Variants in SBF2 observed in about 807,000 individuals in gnomAD.
The protein encoded by SBF2 is myotubularin-related protein 13.
A neutral mutation model predicts 225.2 loss-of-function variants in SBF2; 112 were observed. The observed-to-expected ratio is 0.50, with a 90% confidence interval of 0.43 to 0.58. The LOEUF (loss-of-function observed/expected upper bound fraction) is 0.58. Among genes scored for constraint, SBF2 ranks in the 20% least tolerant of loss-of-function variants. The probability of loss-of-function intolerance (pLI) is 0.00; values close to 1 mark genes in which losing one functional copy is unlikely to be tolerated. For synonymous variants in SBF2, 763 were observed against 773.3 expected, an observed-to-expected ratio of 0.99 and a Z score of 0.22; for missense variants, 1,996 against 2,206.2, an observed-to-expected ratio of 0.90 and a Z score of 1.91.
chr11:10,003,479 T>C (rs1014444602), intron 6 of SBF2, among the ~76,000 whole-genome samples: 4 of 152,006 alleles, frequency 2.6e-5, no homozygotes, highest in African/African-American at 9.7e-5. Context: ...GACATTCTCC[T>C]GCCTCAGCCT....
At chr11:9,977,345 G>A (rs893915677) in intron 13 of SBF2, among the ~76,000 whole-genome samples, 11 of 152,132 alleles carry the variant, frequency 7.2e-5, no homozygotes, top group African/African-American at 2.7e-4. Flanking sequence ...AAATTAGCTA[G>A]GCATGGTGAT....
chr11:10,253,145 A>G (rs1368843945), intron 1 of SBF2, among the ~76,000 whole-genome samples: 1 of 149,376 alleles, frequency 6.7e-6, no homozygotes, highest in Non-Finnish European at 1.5e-5. Flanking sequence ...AAAAAAAATC[A>G]GCTTTAGAAG....
chr11:9,784,584 T>A, intron 37 of SBF2, 146 bp from the exon 38 acceptor site: 1 of 693,370 alleles, frequency 1.4e-6, no homozygotes, highest in South Asian at 1.6e-5. Context: ...CTGGATTTTT[T>A]CTGCTAGACC....
chr11:10,262,200 C>T (rs571988135), intron 1 of SBF2, among the ~76,000 whole-genome samples: 5 of 151,638 alleles, frequency 3.3e-5, no homozygotes, highest in Admixed American at 6.6e-5. Context: ...TGAAATACAT[C>T]CAAAAAAAGA....
chr11:10,256,067 A>G (rs529260048), intron 1 of SBF2, among the ~76,000 whole-genome samples: 1 of 152,342 alleles, frequency 6.6e-6, no homozygotes, highest in South Asian at 2.1e-4. Context: ...ATGCAGACTC[A>G]TTTGAGCTAC....
In SBF2 at chr11:10,303,954, T is replaced by C. The variant is rs961100294; in HGVS notation, n.386+538A>G. On this transcript the variant is annotated intron_variant and non_coding_transcript_variant, in intron 1 of 5. Transcript: ENST00000685217. The surrounding 1 kb of genome is among the most constrained non-coding windows in gnomAD (Gnocchi z 5.2). ...GGGGGCTAGGACTCTCCTTTGCCCC[T>C]TGAGAAGTTGGTGACCCCAGCCTAG... 2.6e-5 allele frequency among the ~76,000 whole-genome samples: 4 copies of C among 152,186 alleles called. No individual in the cohort carries two copies. The highest frequency in any genetic ancestry group is 9.7e-5 in the African/African-American group (4 of 41,428).
At chr11:10,025,539 C>T (rs918077966) in intron 6 of SBF2, among the ~76,000 whole-genome samples, 21 of 152,140 alleles carry the variant, frequency 1.4e-4, no homozygotes, top group Admixed American at 1.2e-3. Flanking sequence ...TTCATTTTCT[C>T]CTGGATCATG....
chr11:10,292,678 C>CAAAAA (rs5789633), intron 1 of SBF2, among the ~76,000 whole-genome samples: 1 of 85,828 alleles, frequency 1.2e-5, no homozygotes. Flanking sequence ...AACTCCGTCT[C>CAAAAA]AAAAAAAAAA....
intron 17 of SBF2, among the ~76,000 whole-genome samples, chr11:9,877,545 C>T (rs1273215724): frequency 6.6e-6 from 1 of 152,148 alleles, no homozygotes; most frequent in Non-Finnish European, 1.5e-5. Flanking sequence ...ATCCCTACCC[C>T]AATCCCCAAC....
rs554105515 is a variant in SBF2, at chr11:9,905,122, T to C, written c.1861-9111A>G. Among the ~76,000 whole-genome samples, 151 of 152,354 alleles carry C rather than the reference T, an allele frequency of 9.9e-4. 1 individual carries two copies. The highest frequency in any genetic ancestry group is 3.7e-3 in the South Asian group (18 of 4,830). ...CACAATGCAATTAAGTTAGAAATCATTAATGCATGTAAAATACTTAAAATT... is the reference window on the plus strand; with the variant it reads ...CACAATGCAATTAAGTTAGAAATCACTAATGCATGTAAAATACTTAAAATT... On this transcript the variant is annotated intron_variant, in intron 16 of 39. Transcript: ENST00000256190.
At chr11:10,196,452 T>G (rs1957357129) in intron 1 of SBF2, among the ~76,000 whole-genome samples, 1 of 152,062 alleles carries the variant, frequency 6.6e-6, no homozygotes, top group Non-Finnish European at 1.5e-5. Context: ...CAATCATCGC[T>G]CACCGCAGCC....
intron 3 of SBF2, among the ~76,000 whole-genome samples, chr11:10,040,418 A>G (rs1590817027): frequency 6.6e-6 from 1 of 152,054 alleles, no homozygotes; most frequent in Non-Finnish European, 1.5e-5. Context: ...ACATTGTATT[A>G]AAAATGGGGG....
At chr11:10,029,979 A>G (rs929866944) in intron 4 of SBF2, 104 bp from the exon 5 acceptor site, 7 of 821,310 alleles carry the variant, frequency 8.5e-6, no homozygotes, top group Non-Finnish European at 1.5e-5. Flanking sequence ...CCAGTAAAGT[A>G]TATTATACAG....
At position 10,010,846 on chromosome 11, in the gene SBF2, G is replaced by A. The variant is rs922315901; in HGVS notation, c.620-8157C>T. 5.9e-5 allele frequency among the ~76,000 whole-genome samples: 9 copies of A among 152,224 alleles called. No individual in the cohort carries two copies. The East Asian group carries it at 7.7e-4, about 13-fold the overall frequency. ...CTTTGGGCAGTATGGCCATTTTCAC[G>A]ATATTGATTCTTCCTATCCATTAGC... On this transcript the variant is annotated intron_variant, in intron 6 of 39. Transcript: ENST00000256190.
At chr11:10,188,456 G>A (rs1332759526) in intron 2 of SBF2, among the ~76,000 whole-genome samples, 1 of 152,114 alleles carries the variant, frequency 6.6e-6, no homozygotes, top group East Asian at 1.9e-4. Flanking sequence ...TAAAGCATCA[G>A]GTAGAGCAGA....
chr11:10,227,094 C>T (rs1234818119), intron 1 of SBF2, among the ~76,000 whole-genome samples: 1 of 152,100 alleles, frequency 6.6e-6, no homozygotes, highest in Non-Finnish European at 1.5e-5. Flanking sequence ...AGCATTTTTT[C>T]ATGTGTTTTT....
intron 2 of SBF2, among the ~76,000 whole-genome samples, chr11:10,115,771 A>C (rs1194599150): frequency 2.0e-5 from 3 of 152,214 alleles, no homozygotes; most frequent in African/African-American, 7.2e-5. Context: ...TGTTTCTACA[A>C]TCAGGATGTA....
At chr11:9,867,827 T>G (rs1422172494) in intron 17 of SBF2, among the ~76,000 whole-genome samples, 1 of 151,904 alleles carries the variant, frequency 6.6e-6, no homozygotes, top group Non-Finnish European at 1.5e-5. Flanking sequence ...CTAATGGAAG[T>G]AGAGAGTAGG....
chr11:10,143,331 C>T (rs1384752872), intron 2 of SBF2, among the ~76,000 whole-genome samples: 3 of 152,076 alleles, frequency 2.0e-5, no homozygotes, highest in Admixed American at 6.5e-5. Flanking sequence ...GCCCACTACG[C>T]CTGGCTAATT....
Sources: allele counts gnomAD v4.1 joint callset (sites outside exome capture counted in the v4.1 genomes callset), GRCh38; gene constraint gnomAD v4.1.1; non-coding constraint Gnocchi (gnomAD v3.1); transcripts MANE v1.5; gene names NCBI Gene and HGNC (gene_info 2026-07-23, HGNC 2026-07-21).